FHIT: variants seen among roughly 807,000 people sequenced by gnomAD.
The protein encoded by FHIT is bis(5'-adenosyl)-triphosphatase.
A neutral mutation model predicts 17.9 loss-of-function variants in FHIT; 19 were observed. The observed-to-expected ratio is 1.06, with a 90% CI of 0.74 to 1.56. The LOEUF (loss-of-function observed/expected upper bound fraction) is 1.56. Ranked by LOEUF, FHIT falls within the 40% of genes most tolerant of loss-of-function variation. The probability of loss-of-function intolerance (pLI) is 0.00; values close to 1 mark genes in which losing one functional copy is unlikely to be tolerated. For missense variants in FHIT, 248 were observed against 189.2 expected, an observed-to-expected ratio of 1.31 and a Z score of -1.82; for synonymous variants, 81 against 69.7, an observed-to-expected ratio of 1.16 and a Z score of -0.81.
intron 8 of FHIT, among the ~76,000 whole-genome samples, chr3:59,829,990 G>A (rs1701110698): frequency 6.6e-6 from 1 of 152,002 alleles, no homozygotes; most frequent in Non-Finnish European, 1.5e-5. Flanking sequence ...GTTGGAGGGT[G>A]GCTTGAGCTC....
intron 4 of FHIT, among the ~76,000 whole-genome samples, chr3:60,712,569 G>T (rs1293848573): frequency 1.3e-5 from 2 of 151,884 alleles, no homozygotes; most frequent in African/African-American, 4.8e-5. Flanking sequence ...TCAAAATAAA[G>T]GGATGGAGGA....
At chr3:60,315,267 T>C (rs998498192) in intron 5 of FHIT, among the ~76,000 whole-genome samples, 4 of 152,200 alleles carry the variant, frequency 2.6e-5, no homozygotes, top group East Asian at 1.9e-4. Context: ...TATTGTGTTA[T>C]GGAGTAGTTT....
chr3:60,032,703 T>C (rs746831688), intron 5 of FHIT, among the ~76,000 whole-genome samples: 3 of 152,176 alleles, frequency 2.0e-5, no homozygotes, highest in African/African-American at 7.2e-5. Context: ...CACATAATAC[T>C]ACTACTACAA....
At chr3:60,848,073 T>C (rs1354998382) in intron 3 of FHIT, among the ~76,000 whole-genome samples, 1 of 152,186 alleles carries the variant, frequency 6.6e-6, no homozygotes, top group Non-Finnish European at 1.5e-5. Flanking sequence ...TCTAGGCAGC[T>C]CCCAAATGAC....
At chr3:60,330,316 CCTAGG>C (rs1001540925) in intron 5 of FHIT, among the ~76,000 whole-genome samples, 1 of 152,110 alleles carries the variant, frequency 6.6e-6, no homozygotes, top group African/African-American at 2.4e-5. Context: ...GTGATGTCTC[CCTAGG>C]GCTGCTCATC....
At chr3:60,470,488 A>G (rs2033032898) in intron 5 of FHIT, among the ~76,000 whole-genome samples, 1 of 151,488 alleles carries the variant, frequency 6.6e-6, no homozygotes, top group East Asian at 2.0e-4. Flanking sequence ...TCTGACCACC[A>G]CTGCTCCGGG....
At chr3:59,958,987 G>C (rs1707539597) in intron 7 of FHIT, among the ~76,000 whole-genome samples, 1 of 152,200 alleles carries the variant, frequency 6.6e-6, no homozygotes. Context: ...TGTCACTTAA[G>C]TAATTAGACT....
chr3:60,126,925 G>A lies in FHIT; in HGVS notation c.104-112773C>T, dbSNP rs144355506. Among the ~76,000 whole-genome samples, 209 of 152,200 alleles carry A rather than the reference G, an allele frequency of 1.4e-3. 1 individual carries two copies. Among genetic ancestry groups the A allele is most frequent in the African/African-American group, 4.6e-3 (193 of 41,518 alleles). On this transcript the variant is annotated intron_variant, in intron 5 of 9. Transcript: ENST00000492590. The stretch of plus-strand genomic sequence containing the variant: ...AGCTAATACCTGCAGGGAGGTGCGC[G>A]CTTCCGTAACTAGTGGCCTTTGTTC...
At chr3:60,096,150 G>A (rs1476813347) in intron 5 of FHIT, among the ~76,000 whole-genome samples, 2 of 152,208 alleles carry the variant, frequency 1.3e-5, no homozygotes, top group Admixed American at 6.5e-5. Flanking sequence ...CTCAGGCCGA[G>A]TCTGACTTGC....
intron 3 of FHIT, among the ~76,000 whole-genome samples, chr3:60,996,210 C>T (rs1575813761): frequency 6.6e-6 from 1 of 152,162 alleles, no homozygotes; most frequent in Non-Finnish European, 1.5e-5. Context: ...AACTTGAAGT[C>T]AGAGTGTGAC....
intron 5 of FHIT, among the ~76,000 whole-genome samples, chr3:60,023,706 C>G (rs1426138736): frequency 1.3e-5 from 2 of 152,156 alleles, no homozygotes; most frequent in African/African-American, 4.8e-5. Context: ...TGGTATTTAG[C>G]AGATGAAGCC....
intron 7 of FHIT, among the ~76,000 whole-genome samples, chr3:59,994,368 G>T (rs903576823): frequency 1.3e-5 from 2 of 152,072 alleles, no homozygotes; most frequent in African/African-American, 4.8e-5. Flanking sequence ...CATCTGCAGA[G>T]AAACAATTAG....
chr3:59,981,720 G>A (rs749828161), intron 7 of FHIT, among the ~76,000 whole-genome samples: 27 of 152,128 alleles, frequency 1.8e-4, no homozygotes, highest in Non-Finnish European at 3.7e-4. Flanking sequence ...TGGTCAAATA[G>A]AGAAGTTAAA....
In FHIT at chr3:60,614,817, T is replaced by TTG. The variant is rs1553675098; in HGVS notation, c.-17-77839_-17-77838insCA. 6.1e-5 allele frequency among the ~76,000 whole-genome samples: 5 copies of TTG among 82,080 alleles called. No individual in the cohort carries two copies. The East Asian group carries it at 8.0e-4, about 13-fold the overall frequency. The allele number at this position is 82,080 out of a possible 152,430, so 53.8% of individuals were successfully genotyped here. On this transcript the variant is annotated intron_variant, in intron 4 of 9. Coordinates refer to ENST00000492590, the MANE Select transcript of FHIT (RefSeq NM_002012.4). ...AAAAAATTGCAAAAGTTGTTTTTTTTTTGTTTTTTTTTTGTTTTTTTTTTG... is the reference window on the plus strand; with the variant it reads ...AAAAAATTGCAAAAGTTGTTTTTTTTTGTTGTTTTTTTTTTGTTTTTTTTTTG...
intron 7 of FHIT, among the ~76,000 whole-genome samples, chr3:59,962,387 A>T (rs1308925907): frequency 2.0e-5 from 3 of 152,214 alleles, no homozygotes; most frequent in Admixed American, 1.3e-4. Context: ...AAGAAAATAC[A>T]ATCTATTTAC....
intron 4 of FHIT, among the ~76,000 whole-genome samples, chr3:60,694,743 G>A (rs1349118666): frequency 6.6e-6 from 1 of 152,156 alleles, no homozygotes; most frequent in Non-Finnish European, 1.5e-5. Context: ...CATAAAAAAG[G>A]ATGACTTCAT....
At chr3:60,522,994 T>A (rs190884875) in intron 5 of FHIT, among the ~76,000 whole-genome samples, 1 of 152,060 alleles carries the variant, frequency 6.6e-6, no homozygotes, top group African/African-American at 2.4e-5. Context: ...AAAAGGCACA[T>A]CTTACACGGC....
chr3:60,151,854 C>G (rs989462981), intron 5 of FHIT, among the ~76,000 whole-genome samples: 1 of 152,162 alleles, frequency 6.6e-6, no homozygotes, highest in Non-Finnish European at 1.5e-5. Context: ...TTTCCTAATA[C>G]TCACTATCCC....
chr3:59,837,757 GA>G (rs1701389633), intron 8 of FHIT, among the ~76,000 whole-genome samples: 1 of 152,124 alleles, frequency 6.6e-6, no homozygotes, highest in Non-Finnish European at 1.5e-5. Flanking sequence ...GCTTGGGTTG[GA>G]ATACTGCCTC....
Sources: allele counts gnomAD v4.1 joint callset (sites outside exome capture counted in the v4.1 genomes callset), GRCh38; gene constraint gnomAD v4.1.1; transcripts MANE v1.5; gene names NCBI Gene and HGNC (gene_info 2026-07-23, HGNC 2026-07-21).